ATG7: variants seen among roughly 807,000 people sequenced by gnomAD.
The protein encoded by ATG7 is autophagy related 7, also known as ubiquitin-like modifier-activating enzyme ATG7.
In ATG7, 70 loss-of-function variants were observed where a neutral mutation model predicts 82.4. The ratio of observed to expected loss-of-function variants is 0.85; its 90% CI spans 0.70 to 1.04. The LOEUF is 1.04. Ranked by LOEUF, ATG7 falls within the 50% of genes least tolerant of loss-of-function variation. ATG7 has a pLI of 0.00. For synonymous variants in ATG7, 287 were observed against 313.0 expected (o/e 0.92, Z 0.88); for missense variants, 792 against 864.3 (o/e 0.92, Z 1.05).
rs1188697910 is a variant in ATG7 at position 11,361,572 on chromosome 3, C to T, written c.1683+788C>T. On this transcript the variant is annotated intron_variant, in intron 16 of 20. Coordinates refer to ENST00000693202, the MANE Select transcript of ATG7 (RefSeq NM_001349232.2). ...TGCTGGGATTACAGGTGTGAGCCAC[C>T]ACGCTTAGCCAATAATGAATAATTT... Among the ~76,000 whole-genome samples, 5 of 152,134 alleles carry T rather than the reference C, an allele frequency of 3.3e-5. No homozygotes were observed. In the East Asian group the frequency reaches 9.6e-4, roughly 29 times the overall value.
At chr3:11,572,736 A>G in the ATG7 span, among the ~76,000 whole-genome samples, 1 of 152,142 alleles carries the variant, frequency 6.6e-6, no homozygotes, top group African/African-American at 2.4e-5. Flanking sequence ...AGCTCTACCC[A>G]TGTTCCAACA....
intron 1 of ATG7, among the ~76,000 whole-genome samples, chr3:11,280,483 A>G (rs1942852874): frequency 6.6e-6 from 1 of 152,238 alleles, no homozygotes; most frequent in South Asian, 2.1e-4. Context: ...TCTCTGGCTC[A>G]TGAACCTATG....
chr3:11,489,863 C>G (rs2090164115), intron 20 of ATG7, among the ~76,000 whole-genome samples: 1 of 152,084 alleles, frequency 6.6e-6, no homozygotes, highest in African/African-American at 2.4e-5. Flanking sequence ...AATTTCTGAT[C>G]TTTTACATTT....
intron 19 of ATG7, among the ~76,000 whole-genome samples, chr3:11,420,753 CTTTTTTTTT>C (rs869277638): frequency 1.6e-5 from 2 of 126,050 alleles, no homozygotes; most frequent in East Asian, 4.9e-4. Flanking sequence ...ATACAAAATA[CTTTTTTTTT>C]TTTTTTTTTT....
chr3:11,470,777 G>A (rs1201499057), intron 20 of ATG7, among the ~76,000 whole-genome samples: 1 of 152,216 alleles, frequency 6.6e-6, no homozygotes, highest in Non-Finnish European at 1.5e-5. Flanking sequence ...ACTGAGCCGA[G>A]CCAGGAGAGG....
At chr3:11,517,601 A>C (rs2092320570) in intron 20 of ATG7, among the ~76,000 whole-genome samples, 1 of 152,210 alleles carries the variant, frequency 6.6e-6, no homozygotes, top group Non-Finnish European at 1.5e-5. Flanking sequence ...AGAGGAGGGT[A>C]CTGCCTGGCC....
chr3:11,527,073 A>G (rs58627501), intron 20 of ATG7, among the ~76,000 whole-genome samples: 1,235 of 102,400 alleles, frequency 0.012, 15 homozygotes, highest in African/African-American at 0.053. Context: ...GTGTGTGTGT[A>G]TATATATATA....
chr3:11,550,686 CCT>C (rs2071692813), intron 20 of ATG7, among the ~76,000 whole-genome samples: 1 of 152,120 alleles, frequency 6.6e-6, no homozygotes. Context: ...GCATGCCTGG[CCT>C]CTCTTCTTGA....
At chr3:11,506,453 G>C (rs1197662892) in intron 20 of ATG7, among the ~76,000 whole-genome samples, 2 of 150,278 alleles carry the variant, frequency 1.3e-5, no homozygotes, top group Admixed American at 6.7e-5. Flanking sequence ...GTCATCCTAT[G>C]TGCTTATGCG....
At chr3:11,363,174 G>A (rs553614409) in intron 17 of ATG7, 54 of 427,694 alleles carry the variant, frequency 1.3e-4, no homozygotes, top group African/African-American at 5.9e-4. Context: ...TTTTTCCAAC[G>A]CTTATATAGG....
intron 18 of ATG7, among the ~76,000 whole-genome samples, chr3:11,372,615 C>T (rs1280855422): frequency 2.7e-5 from 4 of 150,932 alleles, no homozygotes; most frequent in East Asian, 1.9e-4. Flanking sequence ...AGTTCATCTC[C>T]CCACCCTCAG....
chr3:11,390,441 G>C (rs984398814), intron 19 of ATG7, among the ~76,000 whole-genome samples: 1 of 152,302 alleles, frequency 6.6e-6, no homozygotes, highest in East Asian at 1.9e-4. Flanking sequence ...TCCAATAGGC[G>C]CTGAAAGTAT....
intron 20 of ATG7, among the ~76,000 whole-genome samples, chr3:11,484,245 T>A (rs1269786941): frequency 6.6e-6 from 1 of 152,052 alleles, no homozygotes; most frequent in African/African-American, 2.4e-5. Context: ...AACACAAAAA[T>A]CAGCCAGGTA....
At chr3:11,289,598 T>TA (rs1276361662) in intron 3 of ATG7, among the ~76,000 whole-genome samples, 4 of 152,192 alleles carry the variant, frequency 2.6e-5, no homozygotes, top group Non-Finnish European at 5.9e-5. Flanking sequence ...ATGTGCCTCT[T>TA]ATGCAAATTA....
chr3:11,564,822 G>C, the ATG7 span: 3 of 1,583,944 alleles, frequency 1.9e-6, no homozygotes, highest in Non-Finnish European at 2.6e-6. Context: ...CGGGGTCAGT[G>C]TGGGCGAGAG....
chr3:11,362,634 G>T (rs1441537945), intron 16 of ATG7, among the ~76,000 whole-genome samples, 179 bp from the exon 17 acceptor site: 1 of 152,136 alleles, frequency 6.6e-6, no homozygotes, highest in African/African-American at 2.4e-5. Flanking sequence ...TACCTAAATT[G>T]TATATTTTGT....
At chr3:11,365,034 G>T (rs1057200987) in intron 18 of ATG7, among the ~76,000 whole-genome samples, 1 of 152,138 alleles carries the variant, frequency 6.6e-6, no homozygotes, top group Non-Finnish European at 1.5e-5. Flanking sequence ...TCATACAATG[G>T]TTTAAATCCC....
chr3:11,334,891 A>G (rs867173750), intron 11 of ATG7, among the ~76,000 whole-genome samples: 23 of 140,468 alleles, frequency 1.6e-4, no homozygotes, highest in African/African-American at 6.2e-4. Flanking sequence ...TGGGAGGTGG[A>G]GGTGTAGTGA....
chr3:11,465,436 C>G (rs2086731726), intron 20 of ATG7, among the ~76,000 whole-genome samples: 1 of 132,526 alleles, frequency 7.5e-6, no homozygotes, highest in Non-Finnish European at 1.5e-5. Context: ...CAGAGAGAGA[C>G]TCTGTCTCAA....
Sources: gnomAD v4.1 joint callset for allele counts (sites outside exome capture counted in the v4.1 genomes callset) on GRCh38, gnomAD v4.1.1 for gene constraint, MANE v1.5 for transcripts, NCBI Gene and HGNC (gene_info 2026-07-23, HGNC 2026-07-21) for gene names.